Variants in DLGAP1 observed in about 807,000 individuals in gnomAD.
DLGAP1 encodes disks large-associated protein 1.
In DLGAP1, 11 loss-of-function variants were observed where a neutral mutation model predicts 90.8. The ratio of observed to expected loss-of-function variants is 0.12; its 90% CI spans 0.08 to 0.20. The LOEUF is 0.20. DLGAP1 is among the 10% of genes least tolerant of loss of function. DLGAP1 has a pLI of 1.00. For missense variants in DLGAP1, 1,050 were observed against 1,333.8 expected, an observed-to-expected ratio of 0.79 and a Z score of 3.31; for synonymous variants, 558 against 540.7, an observed-to-expected ratio of 1.03 and a Z score of -0.44.
chr18:3,570,113 CCT>C (rs1468258579), intron 8 of DLGAP1, among the ~76,000 whole-genome samples: 24 of 151,992 alleles, frequency 1.6e-4, no homozygotes, highest in African/African-American at 5.8e-4. Context: ...GTATGCTCTA[CCT>C]CCCAGGTTTG....
At chr18:3,993,193 T>G (rs1396441406) in intron 3 of DLGAP1, 1 of 151,218 alleles carries the variant, frequency 6.6e-6, no homozygotes, top group African/African-American at 2.4e-5. Flanking sequence ...GCGACTCACG[T>G]GGGAAGAAGG....
At chr18:4,310,968 G>A (rs1004620607) in intron 1 of DLGAP1, among the ~76,000 whole-genome samples, 4 of 152,078 alleles carry the variant, frequency 2.6e-5, no homozygotes, top group Admixed American at 2.6e-4. Flanking sequence ...CTCTCTGCTG[G>A]GTTTGATTCT....
chr18:3,582,321 C>T (rs2055567292), intron 7 of DLGAP1, 73 bp from the exon 8 acceptor site: 1 of 1,544,814 alleles, frequency 6.5e-7, no homozygotes, highest in African/African-American at 1.4e-5. Context: ...AACTGACAGC[C>T]ATTGGGAATT....
intron 3 of DLGAP1, among the ~76,000 whole-genome samples, chr18:3,960,845 G>A (rs1163940255): frequency 1.3e-5 from 2 of 152,220 alleles, no homozygotes; most frequent in African/African-American, 2.4e-5. Flanking sequence ...TGTCCAGGTG[G>A]CCTGGGCCTT....
At chr18:3,872,548 T>C (rs2070818872) in intron 4 of DLGAP1, among the ~76,000 whole-genome samples, 1 of 152,200 alleles carries the variant, frequency 6.6e-6, no homozygotes, top group African/African-American at 2.4e-5. Context: ...GACAGATTGT[T>C]GTCTTTGAAC....
chr18:3,998,104 A>T (rs2074105897), intron 3 of DLGAP1, among the ~76,000 whole-genome samples: 1 of 152,194 alleles, frequency 6.6e-6, no homozygotes, highest in African/African-American at 2.4e-5. Context: ...CATTGTCTAC[A>T]CCCAATAATT....
intron 3 of DLGAP1, among the ~76,000 whole-genome samples, chr18:3,977,360 C>T (rs1270888970): frequency 6.6e-6 from 1 of 151,412 alleles, no homozygotes; most frequent in Admixed American, 6.6e-5. Context: ...GTGTGAGTCA[C>T]TTTGCCCGGC....
intron 3 of DLGAP1, among the ~76,000 whole-genome samples, chr18:3,993,602 T>G (rs538780502): frequency 6.6e-6 from 1 of 152,254 alleles, no homozygotes; most frequent in African/African-American, 2.4e-5. Flanking sequence ...TTATTTTCCC[T>G]GGTGGAGTTT....
chr18:4,419,245 G>A (rs369896026), intron 1 of DLGAP1, among the ~76,000 whole-genome samples: 33 of 152,198 alleles, frequency 2.2e-4, no homozygotes, highest in East Asian at 9.7e-4. Flanking sequence ...AGAACAGCAC[G>A]GGAAAGACCC....
At chr18:4,315,435 T>A (rs949388079) in intron 1 of DLGAP1, among the ~76,000 whole-genome samples, 29 of 152,384 alleles carry the variant, frequency 1.9e-4, no homozygotes, top group Middle Eastern at 6.8e-3. Flanking sequence ...TTTCTCCTGC[T>A]AATTAGCTTT....
At chr18:4,057,132 C>A (rs2075232475) in intron 2 of DLGAP1, among the ~76,000 whole-genome samples, 1 of 151,208 alleles carries the variant, frequency 6.6e-6, no homozygotes, top group South Asian at 2.1e-4. Context: ...TGTCAGGTGA[C>A]CATCAGGTGA....
In DLGAP1 at chr18:3,997,030, CTTTT is replaced by C. The variant is rs5822780; in HGVS notation, c.-73+8082_-73+8085del. ...TTAGAAATATAAGTTGCAGAGTTTT[CTTTT>C]TTTTTTTTTTCATATTTTAAAATAA... is the stretch of plus-strand genomic sequence containing the variant. On this transcript the variant is annotated intron_variant, in intron 3 of 12. Coordinates refer to ENST00000315677, the MANE Select transcript of DLGAP1 (RefSeq NM_004746.4). Among the ~76,000 whole-genome samples, 3 of 85,956 alleles carry C rather than the reference CTTTT, an allele frequency of 3.5e-5. 1 individual carries two copies. The highest frequency in any genetic ancestry group is 6.6e-5 in the Non-Finnish European group (3 of 45,598). The allele number at this position is 85,956 out of a possible 152,430, so 56.4% of individuals were successfully genotyped here.
intron 1 of DLGAP1, among the ~76,000 whole-genome samples, chr18:4,175,274 T>C (rs2077088242): frequency 6.6e-6 from 1 of 152,206 alleles, no homozygotes; most frequent in Non-Finnish European, 1.5e-5. Context: ...GTTGTTTTTT[T>C]TCTTGGAAAT....
At chr18:3,628,232 T>C (rs1477568563) in intron 7 of DLGAP1, among the ~76,000 whole-genome samples, 3 of 145,580 alleles carry the variant, frequency 2.1e-5, no homozygotes, top group Non-Finnish European at 3.0e-5. Context: ...CTCTGTCACC[T>C]AGGCTGGAGT....
At chr18:4,231,352 A>T (rs1435398703) in intron 1 of DLGAP1, among the ~76,000 whole-genome samples, 3 of 152,128 alleles carry the variant, frequency 2.0e-5, no homozygotes, top group Non-Finnish European at 4.4e-5. Flanking sequence ...CTGCTCTGGA[A>T]GCCTGGGTGG....
chr18:3,704,499 G>A (rs1012797406), intron 7 of DLGAP1, among the ~76,000 whole-genome samples: 9 of 151,936 alleles, frequency 5.9e-5, no homozygotes, highest in Non-Finnish European at 1.0e-4. Context: ...GAACCCGGGA[G>A]GCAGAGGTTG....
intron 2 of DLGAP1, among the ~76,000 whole-genome samples, chr18:4,057,004 T>TACACACACACAC (rs55887550): frequency 2.3e-4 from 27 of 115,020 alleles, no homozygotes; most frequent in South Asian, 1.4e-3. Flanking sequence ...TGACCATACA[T>TACACACACACAC]ACACACACAC....
At chr18:3,866,940 T>C (rs2070425101) in intron 4 of DLGAP1, among the ~76,000 whole-genome samples, 1 of 152,232 alleles carries the variant, frequency 6.6e-6, no homozygotes, top group African/African-American at 2.4e-5. Context: ...AACCTCTGCT[T>C]CGCGGGTTCA....
At chr18:3,706,061 A>C (rs1428596604) in intron 7 of DLGAP1, among the ~76,000 whole-genome samples, 1 of 147,698 alleles carries the variant, frequency 6.8e-6, no homozygotes, top group Non-Finnish European at 1.5e-5. Context: ...GCCCAGGCGC[A>C]ATCTCTGCTC....
Sources: allele counts gnomAD v4.1 joint callset (sites outside exome capture counted in the v4.1 genomes callset), GRCh38; gene constraint gnomAD v4.1.1; transcripts MANE v1.5; gene names NCBI Gene and HGNC (gene_info 2026-07-23, HGNC 2026-07-21).